CSMD3: variants seen among roughly 807,000 people sequenced by gnomAD.
The protein encoded by CSMD3 is CUB and Sushi multiple domains 3, also known as CUB and sushi domain-containing protein 3.
In CSMD3, 177 loss-of-function variants were observed where a neutral mutation model predicts 435.2. That is an observed-to-expected ratio of 0.41 (90% CI 0.36 to 0.46). CSMD3 has a LOEUF of 0.46. Among genes scored for constraint, CSMD3 ranks in the 20% least tolerant of loss-of-function variants. CSMD3 has a pLI of 0.34. For synonymous variants in CSMD3, 1,656 were observed against 1,520.5 expected (o/e 1.09, Z -2.07); for missense variants, 4,265 against 4,504.6 (o/e 0.95, Z 1.52).
intron 20 of CSMD3, chr8:112,643,448 C>G (rs2074891995): frequency 5.9e-6 from 1 of 170,108 alleles, no homozygotes; most frequent in African/African-American, 2.4e-5. Flanking sequence ...GTACTTCAGA[C>G]AAACTTAGTT....
intron 22 of CSMD3, among the ~76,000 whole-genome samples, chr8:112,592,090 T>C (rs1267206137): frequency 2.0e-5 from 3 of 152,020 alleles, no homozygotes; most frequent in Admixed American, 6.6e-5. Context: ...TGTGTGTTTT[T>C]TTTAGCACTT....
At chr8:112,498,814 A>C (rs1226846197) in intron 30 of CSMD3, among the ~76,000 whole-genome samples, 1 of 142,950 alleles carries the variant, frequency 7.0e-6, no homozygotes, top group East Asian at 2.2e-4. Context: ...CCAAGTTCTC[A>C]TGTATAAAAT....
chr8:113,269,406 C>T lies in CSMD3; in HGVS notation c.514+9186G>A, dbSNP rs562448094. 3.6e-3 allele frequency among the ~76,000 whole-genome samples: 550 copies of T among 152,042 alleles called. 1 individual carries two copies. Among genetic ancestry groups the T allele is most frequent in the Non-Finnish European group, 5.6e-3 (382 of 67,946 alleles). On this transcript the variant is annotated intron_variant, in intron 3 of 70. Transcript: ENST00000297405. ...TGCCCAAGGTAATTTATAGATTCAGCGCCATCCCCATCAAGCTACCAATGA... is the reference window on the plus strand; with the variant it reads ...TGCCCAAGGTAATTTATAGATTCAGTGCCATCCCCATCAAGCTACCAATGA...
chr8:113,166,002 A>G (rs1196709113), intron 4 of CSMD3, among the ~76,000 whole-genome samples: 1 of 152,162 alleles, frequency 6.6e-6, no homozygotes, highest in Non-Finnish European at 1.5e-5. Context: ...ACATAAGGCC[A>G]ACACATATTG....
intron 9 of CSMD3, among the ~76,000 whole-genome samples, chr8:112,931,083 C>T (rs1445559242): frequency 2.0e-5 from 3 of 151,982 alleles, no homozygotes; most frequent in African/African-American, 7.2e-5. Flanking sequence ...TTACAGCTGT[C>T]ATATTCCATG....
intron 35 of CSMD3, among the ~76,000 whole-genome samples, chr8:112,406,025 G>T (rs1196458272): frequency 6.6e-6 from 1 of 151,208 alleles, no homozygotes; most frequent in Non-Finnish European, 1.5e-5. Flanking sequence ...ATAACTTAAA[G>T]AGTATAATTG....
chr8:112,814,264 A>G (rs763451039), intron 12 of CSMD3, among the ~76,000 whole-genome samples: 14 of 152,192 alleles, frequency 9.2e-5, no homozygotes, highest in Non-Finnish European at 2.1e-4. Flanking sequence ...ATAACTTGTA[A>G]ATAGTTCTTT....
At position 112,319,942 on chromosome 8, in the gene CSMD3, G is replaced by T. The variant is rs2130866916; in HGVS notation, c.7205C>A (p.Pro2402His). Residue 2402 changes from proline to histidine, a missense_variant, in exon 46 of 71, where the codon CCC (proline) becomes CAC (histidine). Pro to His is a moderately conservative substitution (Grantham distance 77). Coordinates refer to ENST00000297405, the MANE Select transcript of CSMD3 (RefSeq NM_198123.2). ...ATCTTCCGTCAAAATTTCAGCATTG[G>T]GCACAGGTGGTGGAGGTTGGCACAC... ...LRVCQPPPPVPNAEILTEDDE... is the reference protein window; with the variant it reads ...LRVCQPPPPVHNAEILTEDDE... The T allele has an allele frequency of 6.2e-7, 1 of 1,612,902 alleles. No individual in the cohort carries two copies.
At chr8:113,424,823 T>C (rs1588701413) in intron 1 of CSMD3, among the ~76,000 whole-genome samples, 2 of 151,646 alleles carry the variant, frequency 1.3e-5, no homozygotes, top group Non-Finnish European at 1.5e-5. Flanking sequence ...ACAGCATCTG[T>C]AGAATGTTAT....
intron 4 of CSMD3, among the ~76,000 whole-genome samples, chr8:113,165,336 G>A (rs566017889): frequency 3.3e-5 from 5 of 152,140 alleles, no homozygotes; most frequent in Admixed American, 6.5e-5. Flanking sequence ...GAACAACATC[G>A]TTAAACTATT....
At chr8:113,284,839 A>G (rs1279346784) in intron 2 of CSMD3, among the ~76,000 whole-genome samples, 1 of 152,198 alleles carries the variant, frequency 6.6e-6, no homozygotes, top group East Asian at 1.9e-4. Context: ...ATGCACGATG[A>G]AATTGCATAG....
At chr8:112,692,763 A>C (rs1314395837) in intron 13 of CSMD3, among the ~76,000 whole-genome samples, 2 of 152,194 alleles carry the variant, frequency 1.3e-5, no homozygotes, top group African/African-American at 4.8e-5. Flanking sequence ...TGGTCCAAAA[A>C]TAGGTAAGTA....
intron 3 of CSMD3, among the ~76,000 whole-genome samples, chr8:113,190,660 T>G (rs770912848): frequency 6.6e-6 from 1 of 150,606 alleles, no homozygotes; most frequent in Non-Finnish European, 1.5e-5. Context: ...TATTTCCTTA[T>G]GGTGGAAAAG....
intron 12 of CSMD3, among the ~76,000 whole-genome samples, chr8:112,823,144 T>C (rs984484036): frequency 1.3e-5 from 2 of 152,122 alleles, no homozygotes; most frequent in African/African-American, 4.8e-5. Context: ...TGATGCTGGC[T>C]TTATAAAATG....
intron 10 of CSMD3, among the ~76,000 whole-genome samples, chr8:112,920,548 G>C (rs1196656674): frequency 6.6e-6 from 1 of 151,838 alleles, no homozygotes; most frequent in Non-Finnish European, 1.5e-5. Flanking sequence ...TTTGAAATCA[G>C]ACTGACCTCA....
intron 5 of CSMD3, among the ~76,000 whole-genome samples, chr8:113,048,131 C>A (rs1368561026): frequency 6.9e-6 from 1 of 144,322 alleles, no homozygotes; most frequent in Admixed American, 7.0e-5. Flanking sequence ...CTCGCTCTGT[C>A]GCCCAGGCTG....
At chr8:112,608,100 A>G (rs937868253) in intron 22 of CSMD3, among the ~76,000 whole-genome samples, 5 of 152,182 alleles carry the variant, frequency 3.3e-5, no homozygotes, top group African/African-American at 1.2e-4. Context: ...AAATTAATTC[A>G]GTAAAATTGC....
At chr8:113,050,691 G>A (rs1264733542) in intron 5 of CSMD3, among the ~76,000 whole-genome samples, 1 of 152,028 alleles carries the variant, frequency 6.6e-6, no homozygotes, top group Non-Finnish European at 1.5e-5. Flanking sequence ...CTGAAAGAGT[G>A]GTTTTAGCTT....
At chr8:112,813,695 A>C (rs2079291009) in intron 12 of CSMD3, among the ~76,000 whole-genome samples, 1 of 152,140 alleles carries the variant, frequency 6.6e-6, no homozygotes, top group Non-Finnish European at 1.5e-5. Flanking sequence ...TTCATTCAGG[A>C]CCAAAGTAAG....
Sources: gnomAD v4.1 joint callset for allele counts (sites outside exome capture counted in the v4.1 genomes callset) on GRCh38, gnomAD v4.1.1 for gene constraint, MANE v1.5 for transcripts, NCBI Gene and HGNC (gene_info 2026-07-23, HGNC 2026-07-21) for gene names.